MEIS2: variants seen among roughly 807,000 people sequenced by gnomAD.
MEIS2 encodes homeobox protein Meis2.
MEIS2 carries 9 observed loss-of-function variants against 58.6 expected under a neutral mutation model. That is an observed-to-expected ratio of 0.15 (90% CI 0.09 to 0.27). The LOEUF (loss-of-function observed/expected upper bound fraction) is 0.27. Among genes scored for constraint, MEIS2 ranks in the 10% least tolerant of loss-of-function variants. The probability of loss-of-function intolerance (pLI) is 1.00; values close to 1 mark genes in which losing one functional copy is unlikely to be tolerated. For synonymous variants in MEIS2, 221 were observed against 228.4 expected, an observed-to-expected ratio of 0.97 and a Z score of 0.29; for missense variants, 427 against 635.0, an observed-to-expected ratio of 0.67 and a Z score of 3.52.
intron 8 of MEIS2, among the ~76,000 whole-genome samples, chr15:36,974,304 T>C (rs2059668107): frequency 6.6e-6 from 1 of 152,188 alleles, no homozygotes; most frequent in South Asian, 2.1e-4. Flanking sequence ...TTCGTTTATT[T>C]TTTCTTTCCA....
intron 8 of MEIS2, among the ~76,000 whole-genome samples, chr15:36,956,488 G>A (rs969947384): frequency 2.0e-5 from 3 of 152,124 alleles, no homozygotes; most frequent in South Asian, 2.1e-4. Context: ...CTCAAGTTTA[G>A]CCAGTCAACA....
intron 11 of MEIS2, chr15:36,894,700 C>T: frequency 6.4e-7 from 1 of 1,569,276 alleles, no homozygotes; most frequent in Non-Finnish European, 8.8e-7. Context: ...AGACAGATCG[C>T]ACCCGACTGT....
At position 36,892,390 on chromosome 15, in the gene MEIS2, C is replaced by G. The variant is rs956554759; in HGVS notation, c.1217G>C (p.Ser406Thr). Residue 406 changes from serine (S) to threonine (T), a missense_variant, in exon 12 of 12, where the codon AGT (serine) becomes ACT (threonine). By Grantham distance (58) the Ser-to-Thr change is moderately conservative. This residue lies in a region of MEIS2 where 154 missense variants were observed against 148.1 expected (regional missense o/e 1.04). Transcript: ENST00000561208. ...TGGGGTCATCTGGGGAGGAGTGTAA[C>G]TTGGCTGTGCCATACTCATTCCCAT... The part of the protein sequence containing the change: ...GPMGMSMAQP[S>T]YTPPQMTPHP... 4 of 1,614,030 alleles carry G rather than the reference C, an allele frequency of 2.5e-6. No homozygotes were observed. The highest frequency in any genetic ancestry group is 3.4e-6 in the Non-Finnish European group (4 of 1,179,984).
intron 6 of MEIS2, among the ~76,000 whole-genome samples, chr15:37,085,985 TG>T (rs1356231218): frequency 1.3e-5 from 2 of 152,140 alleles, no homozygotes; most frequent in African/African-American, 4.8e-5. Context: ...TAGCATGGTG[TG>T]AGTTTAGTCC....
chr15:37,093,641 G>A lies in MEIS2; in HGVS notation c.579C>T (p.Asp193=), dbSNP rs377204162. 5.0e-5 allele frequency: 81 copies of A among 1,614,142 alleles called. No homozygotes were observed. The highest frequency in any genetic ancestry group is 3.3e-5 in the South Asian group (3 of 91,078). The change falls in exon 6 of 12, where the codon GAC becomes GAT. Residue 193 remains aspartate (D), a synonymous_variant. Transcript: ENST00000561208. ...MPIDLVIDER[D]GSSKSDHEEL... ...CTTCATGATCTGACTTGGAGCTGCCGTCTCTTTCATCAATGACGAGGTCGA... is the reference window on the plus strand; with the variant it reads ...CTTCATGATCTGACTTGGAGCTGCCATCTCTTTCATCAATGACGAGGTCGA...
intron 7 of MEIS2, among the ~76,000 whole-genome samples, chr15:37,045,031 T>A (rs1228959252): frequency 6.6e-6 from 1 of 152,068 alleles, no homozygotes; most frequent in Non-Finnish European, 1.5e-5. Context: ...CTCCCTCCAC[T>A]CTCCCTGCCC....
intron 7 of MEIS2, among the ~76,000 whole-genome samples, chr15:37,058,805 A>T (rs1372894758): frequency 6.6e-6 from 1 of 152,240 alleles, no homozygotes; most frequent in Admixed American, 6.5e-5. Context: ...AGGAAAAATA[A>T]CTGCCAGAGG....
At chr15:36,980,568 T>C (rs962224406) in intron 8 of MEIS2, among the ~76,000 whole-genome samples, 1 of 152,106 alleles carries the variant, frequency 6.6e-6, no homozygotes, top group Non-Finnish European at 1.5e-5. Flanking sequence ...CATGATTCAA[T>C]TACTTCCCAC....
intron 8 of MEIS2, among the ~76,000 whole-genome samples, chr15:37,033,663 T>C (rs1314642111): frequency 6.6e-6 from 1 of 152,226 alleles, no homozygotes; most frequent in Non-Finnish European, 1.5e-5. Context: ...CATTTCACTT[T>C]GAAAGTCGAA....
chr15:36,895,308 T>A (rs983116437), intron 10 of MEIS2, 47 bp from the exon 11 acceptor site: 1 of 1,523,972 alleles, frequency 6.6e-7, no homozygotes, highest in Non-Finnish European at 9.1e-7. Flanking sequence ...AGAAAAGATA[T>A]ACCAAACAAT....
At chr15:36,995,869 G>C (rs1220671878) in intron 8 of MEIS2, among the ~76,000 whole-genome samples, 1 of 146,448 alleles carries the variant, frequency 6.8e-6, no homozygotes, top group African/African-American at 2.5e-5. Flanking sequence ...TGTTCGACTT[G>C]AATCTTTGTA....
At chr15:36,976,301 G>A (rs1049135788) in intron 8 of MEIS2, among the ~76,000 whole-genome samples, 15 of 151,788 alleles carry the variant, frequency 9.9e-5, no homozygotes, top group Admixed American at 1.3e-4. Context: ...GGCCAGGCTG[G>A]TCTCGAACTC....
chr15:36,912,010 A>T (rs981038239), intron 9 of MEIS2, among the ~76,000 whole-genome samples: 16 of 152,088 alleles, frequency 1.1e-4, no homozygotes, highest in Non-Finnish European at 2.4e-4. Context: ...CCTTTTATTC[A>T]CTTTGTTGTA....
chr15:36,958,255 T>C (rs2059059436), intron 8 of MEIS2, among the ~76,000 whole-genome samples: 4 of 152,280 alleles, frequency 2.6e-5, no homozygotes, highest in South Asian at 4.1e-4. Context: ...CTCTCTTCTG[T>C]AGATAAGCTA....
At chr15:37,072,242 G>A (rs1031901264) in intron 7 of MEIS2, among the ~76,000 whole-genome samples, 2 of 152,022 alleles carry the variant, frequency 1.3e-5, no homozygotes, top group Admixed American at 6.6e-5. Context: ...TTTAAAATGA[G>A]TTATTCACAT....
chr15:37,020,566 A>G (rs1243210723), intron 8 of MEIS2, among the ~76,000 whole-genome samples: 1 of 152,022 alleles, frequency 6.6e-6, no homozygotes, highest in Non-Finnish European at 1.5e-5. Context: ...AGGGATCTTT[A>G]TCTCAGGTTC....
At chr15:37,089,055 T>C (rs1315260668) in intron 6 of MEIS2, among the ~76,000 whole-genome samples, 1 of 152,050 alleles carries the variant, frequency 6.6e-6, no homozygotes, top group Non-Finnish European at 1.5e-5. Flanking sequence ...TAATGGGGAA[T>C]TAAGAAAGCT....
rs529612530 is a variant in MEIS2, at chr15:36,944,759, C to T, written c.977+5565G>A. On this transcript the variant is annotated intron_variant, in intron 9 of 11. Transcript: ENST00000561208. Reference sequence around the variant, plus strand: ...ATAATCACTGAAGATGGCAGCTATGCGTTTAACAAATGGCCGCGGTGGAAA... The same window carrying T: ...ATAATCACTGAAGATGGCAGCTATGTGTTTAACAAATGGCCGCGGTGGAAA... Among the ~76,000 whole-genome samples the T allele has an allele frequency of 1.1e-4, 16 of 152,168 alleles. No homozygotes were observed. The East Asian group carries it at 2.7e-3, about 26-fold the overall frequency.
intron 8 of MEIS2, among the ~76,000 whole-genome samples, chr15:37,000,854 A>G (rs2060698434): frequency 1.3e-5 from 2 of 152,026 alleles, no homozygotes; most frequent in South Asian, 2.1e-4. Flanking sequence ...GCCCCCTCCC[A>G]AGCTAGGATC....
Sources: allele counts gnomAD v4.1 joint callset (sites outside exome capture counted in the v4.1 genomes callset), GRCh38; gene constraint gnomAD v4.1.1; regional missense constraint gnomAD v4.1.1; transcripts MANE v1.5; gene names NCBI Gene and HGNC (gene_info 2026-07-23, HGNC 2026-07-21).